The following EML4 variants were observed in gnomAD, a reference collection of about 807,000 sequenced individuals.
EML4 encodes the protein EMAP like 4.
A neutral mutation model predicts 129.0 loss-of-function variants in EML4; 72 were observed. The ratio of observed to expected loss-of-function variants is 0.56; its 90% CI spans 0.46 to 0.68. The LOEUF (loss-of-function observed/expected upper bound fraction) is 0.68, where lower values mean the gene tolerates loss of function less well. Ranked by LOEUF, EML4 falls within the 30% of genes least tolerant of loss-of-function variation. EML4 has a pLI of 0.00. For synonymous variants in EML4, 532 were observed against 405.0 expected (o/e 1.31, Z -3.77); for missense variants, 1,363 against 1,190.6 (o/e 1.14, Z -2.13).
In EML4 at chr2:42,227,473, C is replaced by CTT. The variant is rs201223334; in HGVS notation, c.26-18015_26-18014dup. Among the ~76,000 whole-genome samples, 6 of 133,176 alleles carry CTT rather than the reference C, an allele frequency of 4.5e-5. No homozygotes were observed. In the South Asian group the frequency reaches 7.3e-4, roughly 16 times the overall value. The allele number at this position is 133,176 out of a possible 152,430, so 87.4% of individuals were successfully genotyped here. A position where few individuals can be genotyped will look rare whatever the true frequency, so the allele number is the denominator to read the frequency against. On this transcript the variant is annotated intron_variant, in intron 1 of 22. Coordinates refer to ENST00000318522, the MANE Select transcript of EML4 (RefSeq NM_019063.5). ...CAAAATTAATATGAGCCTGTTAAGG[C>CTT]TTTTTTTTTTTTTTTTTTAAACCAC...
intron 1 of EML4, among the ~76,000 whole-genome samples, chr2:42,196,301 C>T (rs773466217): frequency 1.3e-5 from 2 of 152,160 alleles, no homozygotes; most frequent in Non-Finnish European, 2.9e-5. Context: ...AGTATTAGCA[C>T]TTAATATGTG....
At chr2:42,220,216 T>C (rs1673491053) in intron 1 of EML4, among the ~76,000 whole-genome samples, 1 of 148,232 alleles carries the variant, frequency 6.7e-6, no homozygotes, top group African/African-American at 2.5e-5. Flanking sequence ...CTTCATACTC[T>C]TGCACTTTGC....
intron 17 of EML4, among the ~76,000 whole-genome samples, chr2:42,312,555 G>C (rs1669018264): frequency 1.8e-5 from 2 of 111,816 alleles, no homozygotes; most frequent in South Asian, 5.5e-4. Context: ...TTGCCAATCA[G>C]AATTTTTTTT....
intron 1 of EML4, among the ~76,000 whole-genome samples, chr2:42,191,821 A>C (rs1020197980): frequency 2.0e-5 from 3 of 152,098 alleles, no homozygotes; most frequent in Admixed American, 6.6e-5. Context: ...ACACTTTGGG[A>C]GGCTGAGGCG....
At position 42,205,418 on chromosome 2, in the gene EML4, A is replaced by G. The variant is rs544737633; in HGVS notation, c.25+35782A>G. Among the ~76,000 whole-genome samples the G allele has an allele frequency of 2.0e-5, 3 of 152,322 alleles. No homozygotes were observed. The South Asian group carries it at 6.2e-4, about 32-fold the overall frequency. On this transcript the variant is annotated intron_variant, in intron 1 of 22. Coordinates refer to ENST00000318522, the MANE Select transcript of EML4 (RefSeq NM_019063.5). ...TTGGTAGGGAAAAGAGATATACTCT[A>G]AAAGTAAACTAATTTCAGCTTGCCC...
chr2:42,277,870 G>A (rs1343616455), intron 6 of EML4, among the ~76,000 whole-genome samples: 2 of 152,004 alleles, frequency 1.3e-5, no homozygotes, highest in Non-Finnish European at 2.9e-5. Flanking sequence ...CCCAGCCCAA[G>A]CAAACCTTTT....
Position 42,261,215 on chromosome 2 carries a change from C to G in EML4, c.433C>G (p.Pro145Ala), listed in dbSNP as rs752852729. 1 of 1,613,950 alleles carries G rather than the reference C, an allele frequency of 6.2e-7. No homozygotes were observed. The highest frequency in any genetic ancestry group is 8.5e-7 in the Non-Finnish European group (1 of 1,179,948). The change falls in exon 4 of 23, where the codon CCT (proline) becomes GCT (alanine). Residue 145 changes from proline (P) to alanine (A), a missense_variant. Physicochemically the swap from Pro to Ala is conservative, Grantham distance 27 (BLOSUM62 -1). Transcript: ENST00000318522. The part of the protein sequence containing the change: ...NDQSPQIRAS[P>A]SPQPSSQPLQ... ...TCAAAGTCCACAAATTCGAGCATCACCTTCTCCCCAGCCCTCTTCACAACC... is the reference window on the plus strand; with the variant it reads ...TCAAAGTCCACAAATTCGAGCATCAGCTTCTCCCCAGCCCTCTTCACAACC...
intron 11 of EML4, 29 bp downstream of exon 11, chr2:42,288,351 T>G (rs775203291): frequency 2.7e-6 from 3 of 1,123,058 alleles, no homozygotes; most frequent in Non-Finnish European, 4.0e-6. Flanking sequence ...GAGTATTGTG[T>G]TTTAGAGTAC....
chr2:42,204,271 C>T (rs1286359319), intron 1 of EML4, among the ~76,000 whole-genome samples: 1 of 152,076 alleles, frequency 6.6e-6, no homozygotes, highest in Non-Finnish European at 1.5e-5. Flanking sequence ...CATTAGATGA[C>T]TTTCGACAAG....
chr2:42,325,922 G>T (rs776573534), intron 20 of EML4: 1 of 167,460 alleles, frequency 6.0e-6, no homozygotes, highest in Non-Finnish European at 1.2e-5. Flanking sequence ...GAATATGATA[G>T]ATGGGCATTT....
chr2:42,175,358 C>T (rs1414704978), intron 1 of EML4, among the ~76,000 whole-genome samples: 1 of 150,980 alleles, frequency 6.6e-6, no homozygotes, highest in African/African-American at 2.4e-5. Flanking sequence ...TGTTATTCGC[C>T]TGCCTCGGCC....
Position 42,261,314 on chromosome 2 carries a change from A to G in EML4, c.512+20A>G, listed in dbSNP as rs767834432. ...CAAAAGGTTTTAACTGTCCCCAAGT[A>G]CAGAGCTAGGGAATGGTTGTAATGA... On this transcript the variant is annotated intron_variant, in intron 4 of 22. Transcript: ENST00000318522. The G allele has an allele frequency of 2.5e-6, 4 of 1,602,120 alleles. No individual in the cohort carries two copies. The highest frequency in any genetic ancestry group is 2.6e-6 in the Non-Finnish European group (3 of 1,173,468).
At chr2:42,218,649 T>A (rs1424428747) in intron 1 of EML4, among the ~76,000 whole-genome samples, 1 of 152,144 alleles carries the variant, frequency 6.6e-6, no homozygotes, top group African/African-American at 2.4e-5. Flanking sequence ...CCTATCATAG[T>A]TAGTTCAGTG....
In EML4 at chr2:42,256,413, C is replaced by T. The variant is rs567839194; in HGVS notation, c.209-88C>T. 77 of 1,347,440 alleles carry T rather than the reference C, an allele frequency of 5.7e-5. 1 individual carries two copies. In the African/African-American group the frequency reaches 1.0e-3, roughly 18 times the overall value. The allele number at this position is 1,347,440 out of a possible 1,614,324, so 83.5% of individuals were successfully genotyped here. On this transcript the variant is annotated intron_variant, in intron 2 of 22. Transcript: ENST00000318522. Reference sequence around the variant, plus strand: ...TACTTAATTTTTTTTCTACCACCCCCTCCTTCCAAATGGACTTAATTTTAA... The same window carrying T: ...TACTTAATTTTTTTTCTACCACCCCTTCCTTCCAAATGGACTTAATTTTAA...
At chr2:42,241,862 A>G (rs1049096576) in intron 1 of EML4, among the ~76,000 whole-genome samples, 6 of 138,704 alleles carry the variant, frequency 4.3e-5, no homozygotes, top group African/African-American at 1.8e-4. Context: ...TTGTGTGTGT[A>G]TGTGTGTGTG....
chr2:42,211,980 G>A (rs948735414), intron 1 of EML4, among the ~76,000 whole-genome samples: 4 of 152,048 alleles, frequency 2.6e-5, no homozygotes, highest in Non-Finnish European at 5.9e-5. Context: ...AAGTAGCTAG[G>A]ACTACAGGTT....
At chr2:42,247,161 C>T (rs7559001) in intron 2 of EML4, among the ~76,000 whole-genome samples, 32,306 of 151,986 alleles carry the variant, frequency 0.21, 4,501 homozygotes, top group African/African-American at 0.41. Context: ...AAGACCAATA[C>T]GGGGAAATGG....
At chr2:42,180,697 C>G (rs562645431) in intron 1 of EML4, among the ~76,000 whole-genome samples, 1 of 152,192 alleles carries the variant, frequency 6.6e-6, no homozygotes, top group Non-Finnish European at 1.5e-5. Flanking sequence ...AAGGCTTTCT[C>G]CTACACAACC....
intron 13 of EML4, among the ~76,000 whole-genome samples, chr2:42,298,225 A>C (rs1190052562): frequency 1.3e-5 from 2 of 152,194 alleles, no homozygotes; most frequent in East Asian, 3.8e-4. Context: ...AGTCTCCCTA[A>C]TATTTTATTC....
Sources: allele counts gnomAD v4.1 joint callset (sites outside exome capture counted in the v4.1 genomes callset), GRCh38; gene constraint gnomAD v4.1.1; transcripts MANE v1.5; gene names NCBI Gene and HGNC (gene_info 2026-07-23, HGNC 2026-07-21).